The following KCNT1 variants were observed in gnomAD, a reference collection of about 807,000 sequenced individuals.
KCNT1 encodes potassium channel subfamily T member 1.
KCNT1 carries 78 observed loss-of-function variants against 147.8 expected under a neutral mutation model. The observed-to-expected ratio is 0.53, with a 90% CI of 0.44 to 0.64. The LOEUF (loss-of-function observed/expected upper bound fraction) is 0.64, where lower values mean the gene tolerates loss of function less well. Among genes scored for constraint, KCNT1 ranks in the 30% least tolerant of loss-of-function variants. KCNT1 has a pLI of 0.00. For synonymous variants in KCNT1, 867 were observed against 748.8 expected (o/e 1.16, Z -2.58); for missense variants, 1,419 against 1,750.3 (o/e 0.81, Z 3.38).
chr9:135,757,440 C>A (rs1276043955), intron 9 of KCNT1, 59 bp downstream of exon 9: 7 of 1,486,922 alleles, frequency 4.7e-6, no homozygotes, highest in Non-Finnish European at 6.5e-6. Flanking sequence ...GCCTCACCGG[C>A]CCTGGAAGAC....
At chr9:135,781,782 G>A (rs545519293) in intron 24 of KCNT1, among the ~76,000 whole-genome samples, 16 of 152,274 alleles carry the variant, frequency 1.1e-4, no homozygotes, top group South Asian at 6.2e-4. Flanking sequence ...TGGCATACAC[G>A]ACCGTCAGTG....
intron 19 of KCNT1, 55 bp from the exon 20 acceptor site, chr9:135,775,255 G>A (rs1358602218): frequency 8.5e-6 from 12 of 1,414,426 alleles, no homozygotes; most frequent in Non-Finnish European, 1.2e-5. Flanking sequence ...GGGCCCCAGA[G>A]CAGACCCAGC....
rs950240819 is a variant in KCNT1 at position 135,714,419 on chromosome 9, A to T, written c.111-158A>T. 2.2e-4 allele frequency: 44 copies of T among 203,922 alleles called. No individual in the cohort carries two copies. The East Asian group carries it at 7.6e-3, about 35-fold the overall frequency. 12.6% of individuals were successfully genotyped at this position (203,922 alleles called of 1,614,324 possible). Reference sequence around the variant, plus strand: ...GCCGGTCCCGCGCGCCCCCGCCCGCATGTGCCGCCAGGCCCGCCCCCGCCC... The same window carrying T: ...GCCGGTCCCGCGCGCCCCCGCCCGCTTGTGCCGCCAGGCCCGCCCCCGCCC... On this transcript the variant is annotated intron_variant, in intron 1 of 30. Transcript: ENST00000371757. The surrounding 1 kb of genome is among the most constrained non-coding windows in gnomAD (Gnocchi z 6.2).
chr9:135,760,187 C>G (rs547529451), intron 11 of KCNT1, among the ~76,000 whole-genome samples: 1 of 152,182 alleles, frequency 6.6e-6, no homozygotes. Flanking sequence ...ACAGCCGGCC[C>G]ATTTCCCATC....
In KCNT1 at chr9:135,770,415, C is replaced by G; in HGVS notation, c.1737C>G (p.Ser579Arg). The G allele has an allele frequency of 6.2e-7, 1 of 1,613,054 alleles. No individual in the cohort carries two copies. Among genetic ancestry groups the G allele is most frequent in the Non-Finnish European group, 8.5e-7 (1 of 1,179,672 alleles). Residue 579 changes from serine (S) to arginine (R), a missense_variant, in exon 17 of 31, where the codon AGC becomes AGG. By Grantham distance (110) the Ser-to-Arg change is moderately radical. This residue lies in a region of KCNT1 where 284 missense variants were observed against 292.8 expected (regional missense o/e 0.97). Transcript: ENST00000371757. ...SKFFREYEGKSFTYAAFHAHK... is the reference protein window; with the variant it reads ...SKFFREYEGKRFTYAAFHAHK... ...TCTTCCGCGAGTACGAGGGCAAGAG[C>G]TTCACCTACGCGGCCTTCCACGCCC...
At chr9:135,767,816 G>A (rs1832391682) in intron 13 of KCNT1, among the ~76,000 whole-genome samples, 1 of 151,982 alleles carries the variant, frequency 6.6e-6, no homozygotes, top group Non-Finnish European at 1.5e-5. Flanking sequence ...GGACAAGCTG[G>A]GGGGTTGCTT....
intron 18 of KCNT1, 92 bp from the exon 19 acceptor site, chr9:135,772,623 C>A: frequency 1.0e-6 from 1 of 959,020 alleles, no homozygotes; most frequent in Non-Finnish European, 1.4e-6. Flanking sequence ...GACAGGGTCT[C>A]CAGAGCTGAC....
At chr9:135,779,658 TG>T (rs1447259860) in intron 24 of KCNT1, among the ~76,000 whole-genome samples, 188 bp downstream of exon 24, 17 of 152,128 alleles carry the variant, frequency 1.1e-4, no homozygotes, top group Middle Eastern at 3.2e-3. Flanking sequence ...AACCAGGAGA[TG>T]GAGGCAGGGC....
chr9:135,775,291 C>T lies in KCNT1; in HGVS notation c.2244-19C>T, dbSNP rs1476367165. Reference sequence around the variant, plus strand: ...CACCTCTGTGCAGCTGTGCTGAGGGCTCCTGTCTCCTGCCCCAGGTATGTG... The same window carrying T: ...CACCTCTGTGCAGCTGTGCTGAGGGTTCCTGTCTCCTGCCCCAGGTATGTG... On this transcript the variant is annotated intron_variant, in intron 19 of 30. Transcript: ENST00000371757. The T allele has an allele frequency of 1.1e-5, 17 of 1,587,896 alleles. No homozygotes were observed. In the East Asian group the frequency reaches 3.8e-4, roughly 36 times the overall value.
At chr9:135,721,973 C>A (rs1043501098) in intron 2 of KCNT1, among the ~76,000 whole-genome samples, 1 of 152,308 alleles carries the variant, frequency 6.6e-6, no homozygotes, top group East Asian at 1.9e-4. Flanking sequence ...CTCCCTCCGA[C>A]GGTGGGTTCC....
rs139706718 is a variant in KCNT1 at position 135,776,355 on chromosome 9, T to C, written c.2349+940T>C. 5.8e-3 allele frequency among the ~76,000 whole-genome samples: 882 copies of C among 152,194 alleles called. 8 individuals are homozygous for C. The highest frequency in any genetic ancestry group is 0.019 in the African/African-American group (804 of 41,522). On this transcript the variant is annotated intron_variant, in intron 20 of 30. Coordinates refer to ENST00000371757, the MANE Select transcript of KCNT1 (RefSeq NM_020822.3). ...TCACTACAGCCTCCACCTCCCAGGC[T>C]CAAGGGGTCCTCCCACCTCAGCCTC...
chr9:135,782,621 G>A (rs1329383712), intron 24 of KCNT1, among the ~76,000 whole-genome samples: 1 of 152,226 alleles, frequency 6.6e-6, no homozygotes, highest in Non-Finnish European at 1.5e-5. Context: ...CCAGAAAGCA[G>A]GAGGAAATCT....
At chr9:135,768,746 G>C in intron 14 of KCNT1, 73 bp downstream of exon 14, 1 of 1,540,622 alleles carries the variant, frequency 6.5e-7, no homozygotes, top group Non-Finnish European at 8.8e-7. Flanking sequence ...CCTGAGGGAA[G>C]AGACCTGCCC....
At chr9:135,747,419 G>C (rs1484560609) in intron 2 of KCNT1, among the ~76,000 whole-genome samples, 1 of 151,960 alleles carries the variant, frequency 6.6e-6, no homozygotes, top group Non-Finnish European at 1.5e-5. Context: ...GCAGTGAGGG[G>C]AGGAGGGCCT....
In KCNT1 at chr9:135,714,681, A is replaced by C. The variant is rs779182386; in HGVS notation, c.215A>C (p.Asp72Ala). 5 of 1,479,226 alleles carry C rather than the reference A, an allele frequency of 3.4e-6. No individual in the cohort carries two copies. In the South Asian group the frequency reaches 6.1e-5, roughly 18 times the overall value. 91.6% of individuals were successfully genotyped at this position (1,479,226 alleles called of 1,614,324 possible). The change falls in exon 2 of 31, where the codon GAC (aspartate) becomes GCC (alanine). Residue 72 changes from aspartate (D) to alanine (A), a missense_variant. Coordinates refer to ENST00000371757, the MANE Select transcript of KCNT1 (RefSeq NM_020822.3). The surrounding 1 kb of genome is among the most constrained non-coding windows in gnomAD (Gnocchi z 6.2). The stretch of plus-strand genomic sequence containing the variant: ...TTGCCGCCGCGCTACCGCTTCCGGG[A>C]CCTGCTGCTGGGCGACCCGTCCTTC... ...LPLPPRYRFRDLLLGDPSFQN... is the reference protein window; with the variant it reads ...LPLPPRYRFRALLLGDPSFQN...
chr9:135,750,326 C>T, intron 3 of KCNT1, 149 bp downstream of exon 3: 1 of 628,356 alleles, frequency 1.6e-6, no homozygotes, highest in East Asian at 3.0e-5. Flanking sequence ...CATTTGGAAG[C>T]AGGGTGGGGG....
chr9:135,770,486 G>T, intron 17 of KCNT1, 39 bp downstream of exon 17: 3 of 1,584,560 alleles, frequency 1.9e-6, no homozygotes, highest in Non-Finnish European at 2.6e-6. Context: ...GCGCTCCAGG[G>T]CTGCTCTGCT....
At chr9:135,704,025 G>A (rs1005589977) in intron 1 of KCNT1, among the ~76,000 whole-genome samples, 9 of 152,228 alleles carry the variant, frequency 5.9e-5, no homozygotes, top group Non-Finnish European at 8.8e-5. Context: ...GGCTGGGCTC[G>A]GGAGCGGGGA....
intron 2 of KCNT1, among the ~76,000 whole-genome samples, chr9:135,739,539 G>GC (rs1003646997): frequency 1.3e-5 from 2 of 151,480 alleles, no homozygotes; most frequent in African/African-American, 4.9e-5. Flanking sequence ...GCTCCTCCAT[G>GC]CCCCCCTCAC....
Sources: allele counts gnomAD v4.1 joint callset (sites outside exome capture counted in the v4.1 genomes callset), GRCh38; gene constraint gnomAD v4.1.1; regional missense constraint gnomAD v4.1.1; non-coding constraint Gnocchi (gnomAD v3.1); transcripts MANE v1.5; gene names NCBI Gene and HGNC (gene_info 2026-07-23, HGNC 2026-07-21).